PLXNA4: variants seen among roughly 807,000 people sequenced by gnomAD.
The protein encoded by PLXNA4 is plexin-A4.
A neutral mutation model predicts 191.8 loss-of-function variants in PLXNA4; 44 were observed. The observed-to-expected ratio is 0.23, with a 90% CI of 0.18 to 0.29. PLXNA4 has a LOEUF of 0.29. PLXNA4 is among the 10% of genes least tolerant of loss of function. The pLI is 1.00. For synonymous variants in PLXNA4, 1,082 were observed against 1,009.5 expected (o/e 1.07, Z -1.36); for missense variants, 1,800 against 2,488.8 (o/e 0.72, Z 5.89).
chr7:132,385,677 T>A (rs1158921984), intron 3 of PLXNA4, among the ~76,000 whole-genome samples: 1 of 152,174 alleles, frequency 6.6e-6, no homozygotes. Context: ...TTACCAAGTA[T>A]CACTTTTTAT....
At chr7:132,579,409 CTCA>C (rs1436530980), upstream of PLXNA4, among the ~76,000 whole-genome samples, 2 of 151,436 alleles carry the variant, frequency 1.3e-5, no homozygotes, top group Non-Finnish European at 1.5e-5. Flanking sequence ...CTTTTTCCTC[CTCA>C]TATCGGTTGT....
intron 3 of PLXNA4, among the ~76,000 whole-genome samples, chr7:132,456,111 CTTTTTTT>C (rs548680891): frequency 1.5e-5 from 2 of 129,072 alleles, no homozygotes; most frequent in Non-Finnish European, 3.2e-5. Context: ...CTCCTCTGTT[CTTTTTTT>C]TTTTTTTTTT....
chr7:132,346,693 G>A (rs571334484), intron 3 of PLXNA4, among the ~76,000 whole-genome samples: 2 of 152,326 alleles, frequency 1.3e-5, no homozygotes, highest in South Asian at 4.1e-4. Flanking sequence ...TTCTCCTAGT[G>A]AAAATGGTTA....
chr7:132,629,703 T>G (rs1803453664), intron 2 of PLXNA4, among the ~76,000 whole-genome samples: 1 of 152,248 alleles, frequency 6.6e-6, no homozygotes, highest in Non-Finnish European at 1.5e-5. Flanking sequence ...CTCACAGTTC[T>G]GGAGGCTAGA....
chr7:132,455,985 C>G (rs916066942), intron 3 of PLXNA4, among the ~76,000 whole-genome samples: 1 of 152,196 alleles, frequency 6.6e-6, no homozygotes, highest in African/African-American at 2.4e-5. Context: ...GAGAAGGTGC[C>G]CCTCCCTTGT....
intron 1 of PLXNA4, among the ~76,000 whole-genome samples, chr7:132,523,853 T>C (rs747498632): frequency 2.0e-5 from 3 of 152,108 alleles, no homozygotes; most frequent in Non-Finnish European, 4.4e-5. Flanking sequence ...GCTGGTACCA[T>C]TTAACTGATA....
At chr7:132,318,378 T>C (rs1246018545) in intron 3 of PLXNA4, among the ~76,000 whole-genome samples, 1 of 151,870 alleles carries the variant, frequency 6.6e-6, no homozygotes, top group Non-Finnish European at 1.5e-5. Context: ...GGAAAGGAGG[T>C]GATATCAGTA....
rs1228657559 is a variant in PLXNA4 at position 132,123,352 on chromosome 7, AT to A, written c.*7126del. 3.3e-5 allele frequency: 5 copies of A among 152,082 alleles called. No homozygotes were observed. The highest frequency in any genetic ancestry group is 2.9e-5 in the Non-Finnish European group (2 of 68,004). The allele number at this position is 152,082 out of a possible 1,614,324, so 9.4% of individuals were successfully genotyped here. A position where few individuals can be genotyped will look rare whatever the true frequency, so the allele number is the denominator to read the frequency against. On this transcript the variant is annotated 3_prime_UTR_variant, in exon 32 of 32. Transcript: ENST00000321063. ...CAAAATCCCAAACTGCATTTTTATT[AT>A]TTTTTAATAAACTTTATTCTATATT...
chr7:132,161,363 A>G (rs1165631193), intron 24 of PLXNA4, among the ~76,000 whole-genome samples: 2 of 152,230 alleles, frequency 1.3e-5, no homozygotes, highest in African/African-American at 2.4e-5. Flanking sequence ...GCCCCACAGA[A>G]GGACAGAGCC....
At chr7:132,409,535 G>A (rs547568724) in intron 3 of PLXNA4, among the ~76,000 whole-genome samples, 9 of 152,246 alleles carry the variant, frequency 5.9e-5, no homozygotes, top group African/African-American at 2.2e-4. Context: ...TGGTTGAGTG[G>A]TTCACAGGGG....
intron 2 of PLXNA4, among the ~76,000 whole-genome samples, chr7:132,643,986 A>G (rs1366947504): frequency 6.6e-6 from 1 of 152,146 alleles, no homozygotes; most frequent in Admixed American, 6.6e-5. Context: ...AAGTCAGAAT[A>G]TATCACACAC....
intron 5 of PLXNA4, among the ~76,000 whole-genome samples, chr7:132,239,616 CCT>C (rs1798812734): frequency 1.3e-5 from 2 of 152,184 alleles, no homozygotes; most frequent in South Asian, 4.1e-4. Flanking sequence ...AAAACTGCCC[CCT>C]GTCTGCCTGG....
intron 2 of PLXNA4, among the ~76,000 whole-genome samples, chr7:132,633,087 C>G (rs1803524770): frequency 6.6e-6 from 1 of 152,056 alleles, no homozygotes; most frequent in Non-Finnish European, 1.5e-5. Context: ...CCCTTCAACT[C>G]AAAATATTCC....
At chr7:132,348,611 C>T (rs1251493267) in intron 3 of PLXNA4, among the ~76,000 whole-genome samples, 2 of 152,170 alleles carry the variant, frequency 1.3e-5, no homozygotes, top group African/African-American at 4.8e-5. Context: ...GCCCCACATC[C>T]CTCCTAGCAT....
In PLXNA4 at chr7:132,130,267, G is replaced by A; in HGVS notation, c.*212C>T. ...TTCTTGGACTAACTGAGGGTCAGTG[G>A]CTTGGTCCAATCGTGTTGGCAGAGC... On this transcript the variant is annotated 3_prime_UTR_variant, in exon 32 of 32. Transcript: ENST00000321063. The A allele has an allele frequency of 3.1e-6, 2 of 643,668 alleles. No homozygotes were observed. Among genetic ancestry groups the A allele is most frequent in the Non-Finnish European group, 5.1e-6 (2 of 390,510 alleles). The allele number at this position is 643,668 out of a possible 1,614,324, so 39.9% of individuals were successfully genotyped here. A position where few individuals can be genotyped will look rare whatever the true frequency, so the allele number is the denominator to read the frequency against.
chr7:132,174,724 A>G, intron 21 of PLXNA4, 54 bp downstream of exon 21: 1 of 1,587,018 alleles, frequency 6.3e-7, no homozygotes, highest in Non-Finnish European at 8.6e-7. Context: ...CTGGACTTGA[A>G]GATTGCCAAC....
chr7:132,594,918 GA>G (rs1563189645), intron 2 of PLXNA4, among the ~76,000 whole-genome samples: 2 of 36,346 alleles, frequency 5.5e-5, no homozygotes, highest in Non-Finnish European at 1.0e-4. Flanking sequence ...TAGGTAGATA[GA>G]TAGATAGATA....
At chr7:132,335,031 T>A (rs1332975190) in intron 3 of PLXNA4, among the ~76,000 whole-genome samples, 1 of 152,246 alleles carries the variant, frequency 6.6e-6, no homozygotes, top group Non-Finnish European at 1.5e-5. Flanking sequence ...AATAATTTTT[T>A]AAAAATTTAT....
At chr7:132,484,142 C>G (rs887550708) in intron 3 of PLXNA4, among the ~76,000 whole-genome samples, 1 of 152,224 alleles carries the variant, frequency 6.6e-6, no homozygotes, top group Non-Finnish European at 1.5e-5. Flanking sequence ...TATCAACCAG[C>G]TTAGTTGCTC....
Sources: allele counts gnomAD v4.1 joint callset (sites outside exome capture counted in the v4.1 genomes callset), GRCh38; gene constraint gnomAD v4.1.1; transcripts MANE v1.5; gene names NCBI Gene and HGNC (gene_info 2026-07-23, HGNC 2026-07-21).